The following RPAP3 variants were observed in gnomAD, a reference collection of about 807,000 sequenced individuals.
The protein encoded by RPAP3 is RNA polymerase II associated protein 3.
Under a neutral mutation model 88.8 loss-of-function variants are expected in RPAP3, and 58 were observed. That is an observed-to-expected ratio of 0.65 (90% confidence interval 0.53 to 0.81). RPAP3 has a LOEUF of 0.81. Ranked by LOEUF, RPAP3 falls within the 40% of genes least tolerant of loss-of-function variation. RPAP3 has a pLI of 0.00. For synonymous variants in RPAP3, 255 were observed against 259.9 expected, an observed-to-expected ratio of 0.98 and a Z score of 0.18; for missense variants, 751 against 764.3, an observed-to-expected ratio of 0.98 and a Z score of 0.20.
At chr12:47,669,253 T>C in intron 13 of RPAP3, 151 bp from the exon 14 acceptor site, 1 of 547,052 alleles carries the variant, frequency 1.8e-6, no homozygotes, top group East Asian at 3.1e-5. Context: ...CAGCTAATAA[T>C]ATATAAACAT....
chr12:47,698,060 C>T (rs1428772569), intron 3 of RPAP3, among the ~76,000 whole-genome samples: 2 of 151,948 alleles, frequency 1.3e-5, no homozygotes, highest in South Asian at 2.1e-4. Context: ...TAATTAGCAC[C>T]CAGTAGCAGA....
At chr12:47,677,517 T>A (rs1050814063) in intron 12 of RPAP3, among the ~76,000 whole-genome samples, 1 of 152,146 alleles carries the variant, frequency 6.6e-6, no homozygotes, top group Non-Finnish European at 1.5e-5. Context: ...CAAAATCTCC[T>A]TAAGCTGATA....
chr12:47,681,356 G>A (rs1565717528), intron 10 of RPAP3, among the ~76,000 whole-genome samples: 1 of 152,158 alleles, frequency 6.6e-6, no homozygotes, highest in Non-Finnish European at 1.5e-5. Flanking sequence ...ATCACACAGT[G>A]AGTCCCTTTC....
At chr12:47,666,107 T>C (rs1938869254) in intron 16 of RPAP3, among the ~76,000 whole-genome samples, 1 of 152,154 alleles carries the variant, frequency 6.6e-6, no homozygotes, top group African/African-American at 2.4e-5. Context: ...TTTTGCTAAT[T>C]ATTAAAAAGA....
intron 16 of RPAP3, among the ~76,000 whole-genome samples, chr12:47,665,509 T>C (rs1320086274): frequency 4.0e-5 from 6 of 151,540 alleles, no homozygotes; most frequent in African/African-American, 1.5e-4. Flanking sequence ...AAAACAGTAA[T>C]AAGAAACAGT....
At chr12:47,703,858 T>C (rs1269887860) in intron 1 of RPAP3, among the ~76,000 whole-genome samples, 4 of 152,104 alleles carry the variant, frequency 2.6e-5, no homozygotes, top group Non-Finnish European at 4.4e-5. Context: ...GACTGAGGTG[T>C]TGGAGAACAG....
chr12:47,705,229 A>C (rs1939763374), intron 1 of RPAP3, among the ~76,000 whole-genome samples: 1 of 152,170 alleles, frequency 6.6e-6, no homozygotes, highest in South Asian at 2.1e-4. Flanking sequence ...GGAATTAGAA[A>C]AACATTTGTT....
At chr12:47,675,590 C>T (rs1047920353) in intron 12 of RPAP3, among the ~76,000 whole-genome samples, 3 of 152,110 alleles carry the variant, frequency 2.0e-5, no homozygotes, top group African/African-American at 7.2e-5. Context: ...GCAGGGGTTG[C>T]AATCCCAGTC....
At chr12:47,697,575 AC>A (rs755215447) in intron 4 of RPAP3, 21 bp downstream of exon 4, 4 of 1,581,536 alleles carry the variant, frequency 2.5e-6, no homozygotes, top group African/African-American at 1.4e-5. Flanking sequence ...ATGAAAAAAA[AC>A]AAAACCTAAC....
intron 5 of RPAP3, among the ~76,000 whole-genome samples, chr12:47,691,459 T>C (rs1409647633): frequency 6.6e-6 from 1 of 152,242 alleles, no homozygotes; most frequent in Non-Finnish European, 1.5e-5. Context: ...CCTCCTCCCA[T>C]GAATTATGGA....
chr12:47,705,311 C>T (rs547388671), intron 1 of RPAP3, among the ~76,000 whole-genome samples: 1 of 152,298 alleles, frequency 6.6e-6, no homozygotes, highest in Non-Finnish European at 1.5e-5. Flanking sequence ...CTCGTAGCCT[C>T]AACAACTAAA....
rs763420685 is a variant in RPAP3, at chr12:47,679,611, TA to T, written c.1186-18del. On this transcript the variant is annotated intron_variant, in intron 11 of 16. Coordinates refer to ENST00000005386, the MANE Select transcript of RPAP3 (RefSeq NM_024604.3). ...AATTAATTCCTTGAAAATAAATTTA[TA>T]ACCCTAACTTTCAAAATATTTATTA... The T allele has an allele frequency of 5.8e-6, 9 of 1,550,422 alleles. No homozygotes were observed. In the Admixed American group the frequency reaches 1.5e-4, roughly 27 times the overall value.
chr12:47,667,682 T>C (rs1000946451), intron 15 of RPAP3, 72 bp downstream of exon 15: 6 of 754,852 alleles, frequency 7.9e-6, no homozygotes, highest in African/African-American at 1.8e-5. Context: ...TTAATTAAAA[T>C]TGCAGTTTCC....
At chr12:47,692,872 G>A (rs1939454405) in intron 5 of RPAP3, among the ~76,000 whole-genome samples, 1 of 152,014 alleles carries the variant, frequency 6.6e-6, no homozygotes, top group Non-Finnish European at 1.5e-5. Flanking sequence ...CCACTGTAGG[G>A]TTTTGTTTGT....
At chr12:47,680,828 C>T (rs958699170) in intron 10 of RPAP3, among the ~76,000 whole-genome samples, 2 of 146,734 alleles carry the variant, frequency 1.4e-5, no homozygotes, top group Non-Finnish European at 3.0e-5. Flanking sequence ...AAAACCACAG[C>T]CCGAAGAGTT....
rs1455423472 is a variant in RPAP3, at chr12:47,701,521, T to G, written c.237A>C (p.Glu79Asp). ...AAGATTTTATCCTGTTTTTTGTGTT[T>G]TCCTCTCTGGTTTTTTTGGAAGACT... is the stretch of plus-strand genomic sequence containing the variant. ...AKESSKKTRE[E>D]NTKNRIKSYD... Residue 79 changes from glutamate to aspartate, a missense_variant, in exon 3 of 17, where the codon GAA becomes GAC. Physicochemically the swap from Glu to Asp is conservative, Grantham distance 45. Transcript: ENST00000005386. 1.2e-6 allele frequency: 2 copies of G among 1,605,718 alleles called. No individual in the cohort carries two copies. The highest frequency in any genetic ancestry group is 2.7e-5 in the African/African-American group (2 of 74,526).
intron 7 of RPAP3, among the ~76,000 whole-genome samples, chr12:47,688,775 A>T (rs1939373361): frequency 6.6e-6 from 1 of 152,216 alleles, no homozygotes; most frequent in Non-Finnish European, 1.5e-5. Context: ...TAATATTTAA[A>T]AGCACACTTT....
intron 5 of RPAP3, among the ~76,000 whole-genome samples, chr12:47,691,562 T>C (rs1287063948): frequency 1.3e-5 from 2 of 152,206 alleles, no homozygotes; most frequent in East Asian, 1.9e-4. Flanking sequence ...ATGACAGCTA[T>C]AGCCTGTGAA....
chr12:47,669,229 G>A, intron 13 of RPAP3, 127 bp from the exon 14 acceptor site: 1 of 568,506 alleles, frequency 1.8e-6, no homozygotes. Flanking sequence ...TATTATACAA[G>A]CATTCAATTA....
Sources: gnomAD v4.1 joint callset for allele counts (sites outside exome capture counted in the v4.1 genomes callset) on GRCh38, gnomAD v4.1.1 for gene constraint, MANE v1.5 for transcripts, NCBI Gene and HGNC (gene_info 2026-07-23, HGNC 2026-07-21) for gene names.